U2AF2: variants seen among roughly 807,000 people sequenced by gnomAD.
U2AF2 encodes the protein U2 small nuclear RNA auxiliary factor 2.
A neutral mutation model predicts 52.6 loss-of-function variants in U2AF2; 6 were observed. The observed-to-expected ratio is 0.11, with a 90% confidence interval of 0.06 to 0.23. U2AF2 has a LOEUF of 0.23. Ranked by LOEUF, U2AF2 falls within the 10% of genes least tolerant of loss-of-function variation. The probability of loss-of-function intolerance (pLI) is 1.00; values close to 1 mark genes in which losing one functional copy is unlikely to be tolerated. For synonymous variants in U2AF2, 284 were observed against 258.2 expected, an observed-to-expected ratio of 1.10 and a Z score of -0.96; for missense variants, 222 against 677.1, an observed-to-expected ratio of 0.33 and a Z score of 7.46.
At chr19:55,656,928 A>G (rs1983831553) in intron 1 of U2AF2, among the ~76,000 whole-genome samples, 2 of 152,242 alleles carry the variant, frequency 1.3e-5, no homozygotes, top group African/African-American at 2.4e-5. Flanking sequence ...GTGCTTTCCA[A>G]ATGTCATTCT....
chr19:55,664,121 A>AGCT (rs575076976), intron 7 of U2AF2: 221 of 206,624 alleles, frequency 1.1e-3, no homozygotes, highest in African/African-American at 4.7e-3. Context: ...TTGGCAGCAA[A>AGCT]GCTGCTGCTG....
At chr19:55,673,181 A>G (rs953138709) in intron 11 of U2AF2, among the ~76,000 whole-genome samples, 2 of 152,208 alleles carry the variant, frequency 1.3e-5, no homozygotes, top group Non-Finnish European at 2.9e-5. Context: ...AGCCTCCCAA[A>G]GTACTGGGAT....
chr19:55,657,032 TC>T (rs1189887766), intron 1 of U2AF2, among the ~76,000 whole-genome samples: 1 of 152,224 alleles, frequency 6.6e-6, no homozygotes, highest in African/African-American at 2.4e-5. Context: ...TTTTTGTTGT[TC>T]ATAAGCAGAA....
chr19:55,664,499 T>G (rs1984418438), intron 7 of U2AF2, among the ~76,000 whole-genome samples: 1 of 152,168 alleles, frequency 6.6e-6, no homozygotes, highest in Admixed American at 6.5e-5. Flanking sequence ...GAATGGGATT[T>G]GAGGGAGGGC....
At chr19:55,670,037 T>G (rs1984792843) in intron 11 of U2AF2, among the ~76,000 whole-genome samples, 1 of 152,108 alleles carries the variant, frequency 6.6e-6, no homozygotes, top group South Asian at 2.1e-4. Flanking sequence ...TGGTTTTGCC[T>G]GGTCTGTGGA....
chr19:55,660,505 A>AC lies in U2AF2; in HGVS notation c.231-9dup. ...TTGCCCTGCCCCGCTCTCCCCTCCCACCTCCCCCAGTCGTTCCCCCCGCCA... is the reference window on the plus strand; with the variant it reads ...TTGCCCTGCCCCGCTCTCCCCTCCCACCCTCCCCCAGTCGTTCCCCCCGCCA... On this transcript the variant is annotated splice_polypyrimidine_tract_variant and intron_variant, in intron 3 of 11. Coordinates refer to ENST00000308924, the MANE Select transcript of U2AF2 (RefSeq NM_007279.3). The AC allele has an allele frequency of 9.8e-6, 4 of 409,118 alleles. No individual in the cohort carries two copies. The highest frequency in any genetic ancestry group is 2.8e-5 in the South Asian group (1 of 35,966). The allele number at this position is 409,118 out of a possible 1,614,324, so 25.3% of individuals were successfully genotyped here. A position where few individuals can be genotyped will look rare whatever the true frequency, so the allele number is the denominator to read the frequency against.
At position 55,668,918 on chromosome 19, in the gene U2AF2, G is replaced by GGGCTCGTCCCTGTCCCATGGTGTTGGCTT. The variant is rs1984709288; in HGVS notation, c.945+126_945+127insGGCTCGTCCCTGTCCCATGGTGTTGGCTT. The GGGCTCGTCCCTGTCCCATGGTGTTGGCTT allele has an allele frequency of 1.4e-5, 21 of 1,511,484 alleles. 1 individual carries two copies. The South Asian group carries it at 2.4e-4, about 17-fold the overall frequency. The allele number at this position is 1,511,484 out of a possible 1,614,324, so 93.6% of individuals were successfully genotyped here. On this transcript the variant is annotated intron_variant, in intron 9 of 11. Coordinates refer to ENST00000308924, the MANE Select transcript of U2AF2 (RefSeq NM_007279.3). This position sits in a 1 kb window ranked among gnomAD's most constrained non-coding sequence, Gnocchi z 5.5. ...GCCAACCTGAGGCAGTGCCCTGTGT[G>GGGCTCGTCCCTGTCCCATGGTGTTGGCTT]TGGGCTCGTCCCTGTCCCATGGCGT...
chr19:55,659,306 G>A lies in U2AF2; in HGVS notation c.146G>A (p.Arg49Gln), dbSNP rs754535298. The A allele has an allele frequency of 4.4e-6, 7 of 1,585,084 alleles. No homozygotes were observed. Among genetic ancestry groups the A allele is most frequent in the East Asian group, 4.6e-5 (2 of 43,412 alleles). Reference protein sequence around the residue: ...RRSRSRDRRNRDQRSASRDRR... With the variant: ...RRSRSRDRRNQDQRSASRDRR... ...AGCCGGAGCCGCGACCGGCGCAACCGGGACCAGCGGAGCGCCTCCCGGGAC... is the reference window on the plus strand; with the variant it reads ...AGCCGGAGCCGCGACCGGCGCAACCAGGACCAGCGGAGCGCCTCCCGGGAC... The change falls in exon 2 of 12, where the codon CGG becomes CAG. Residue 49 changes from arginine to glutamine, a missense_variant. By Grantham distance (43) the Arg-to-Gln change is conservative. Around this residue, in one of 4 missense-constraint regions of U2AF2, gnomAD observed 100 missense variants for 144.1 expected, o/e 0.69. Coordinates refer to ENST00000308924, the MANE Select transcript of U2AF2 (RefSeq NM_007279.3).
Position 55,662,479 on chromosome 19 carries a change from CTTGTCTCCTATT to C in U2AF2, c.487-22_487-11del. The C allele has an allele frequency of 8.2e-6, 12 of 1,457,164 alleles. No individual in the cohort carries two copies. Among genetic ancestry groups the C allele is most frequent in the Middle Eastern group, 1.8e-4 (1 of 5,418 alleles). The allele number at this position is 1,457,164 out of a possible 1,614,324, so 90.3% of individuals were successfully genotyped here. On this transcript the variant is annotated splice_polypyrimidine_tract_variant and intron_variant, in intron 5 of 11. Transcript: ENST00000308924. ...CCACCTCCCTTCCCCCGCCCCCCCC[CTTGTCTCCTATT>C]CCCTCTGCAGGAGGCCATGATGGAT... is the stretch of plus-strand genomic sequence containing the variant.
At position 55,661,199 on chromosome 19, in the gene U2AF2, TC is replaced by T; in HGVS notation, c.486+14del. On this transcript the variant is annotated intron_variant, in intron 5 of 11. Transcript: ENST00000308924. ...CTTTGGCATCACTGAGGTACTGCCC[TC>T]CCCTGCCCCCTACCCTCTCCCTTGT... is the stretch of plus-strand genomic sequence containing the variant. 1 of 1,581,232 alleles carries T rather than the reference TC, an allele frequency of 6.3e-7. No individual in the cohort carries two copies. Among genetic ancestry groups the T allele is most frequent in the African/African-American group, 1.4e-5 (1 of 74,000 alleles).
intron 1 of U2AF2, among the ~76,000 whole-genome samples, chr19:55,656,488 T>C (rs1251694575): frequency 6.6e-6 from 1 of 151,030 alleles, no homozygotes; most frequent in Admixed American, 6.6e-5. Flanking sequence ...TTTTAATACG[T>C]TTATATATTT....
intron 5 of U2AF2, among the ~76,000 whole-genome samples, chr19:55,661,499 GACACACACACACACACACACACAC>G (rs59262812): frequency 2.8e-5 from 4 of 145,098 alleles, no homozygotes; most frequent in Admixed American, 6.8e-5. Flanking sequence ...GGGAGACTTG[GACACACACACACACACACACACAC>G]ACACACACAC....
Position 55,660,499 on chromosome 19 carries a change from C to CCAA in U2AF2, c.231-16_231-15insAAC. ...CTGAGGTTGCCCTGCCCCGCTCTCC[C>CCAA]CTCCCACCTCCCCCAGTCGTTCCCC... On this transcript the variant is annotated splice_polypyrimidine_tract_variant and intron_variant, in intron 3 of 11. Transcript: ENST00000308924. 1.1e-6 allele frequency: 1 copy of CCAA among 933,774 alleles called. No homozygotes were observed. The highest frequency in any genetic ancestry group is 1.7e-6 in the Non-Finnish European group (1 of 585,064). The allele number at this position is 933,774 out of a possible 1,614,324, so 57.8% of individuals were successfully genotyped here.
intron 1 of U2AF2, 75 bp downstream of exon 1, chr19:55,655,228 C>T (rs1284219920): frequency 4.0e-5 from 60 of 1,501,042 alleles, no homozygotes; most frequent in East Asian, 2.5e-5. Context: ...GCCATTTTCT[C>T]CCTCGCTTCC....
intron 1 of U2AF2, among the ~76,000 whole-genome samples, chr19:55,656,450 G>A (rs1983801342): frequency 6.6e-6 from 1 of 152,228 alleles, no homozygotes; most frequent in Non-Finnish European, 1.5e-5. Flanking sequence ...AGGAAGTTTA[G>A]ATACCTGCTT....
At chr19:55,656,177 C>A (rs1035643188) in intron 1 of U2AF2, among the ~76,000 whole-genome samples, 2 of 152,236 alleles carry the variant, frequency 1.3e-5, no homozygotes, top group African/African-American at 4.8e-5. Flanking sequence ...CTTTAAAAAT[C>A]CTCCGTGTTT....
intron 1 of U2AF2, among the ~76,000 whole-genome samples, chr19:55,655,980 G>A (rs751627239): frequency 1.5e-4 from 23 of 152,158 alleles, no homozygotes; most frequent in Non-Finnish European, 2.9e-4. Context: ...TCAATATAGA[G>A]ATAAGAAAAC....
chr19:55,661,215 CT>C, intron 5 of U2AF2, 26 bp downstream of exon 5: 1 of 1,557,164 alleles, frequency 6.4e-7, no homozygotes, highest in Non-Finnish European at 8.7e-7. Context: ...GCCCCCTACC[CT>C]CTCCCTTGTC....
intron 7 of U2AF2, 193 bp downstream of exon 7, chr19:55,663,937 G>A: frequency 1.3e-6 from 1 of 757,178 alleles, no homozygotes; most frequent in Non-Finnish European, 2.0e-6. Flanking sequence ...CCTAGGGCCG[G>A]GAGAATGAGC....
Sources: gnomAD v4.1 joint callset for allele counts (sites outside exome capture counted in the v4.1 genomes callset) on GRCh38, gnomAD v4.1.1 for gene constraint, gnomAD v4.1.1 regional missense constraint, Gnocchi (gnomAD v3.1) non-coding constraint, MANE v1.5 for transcripts, NCBI Gene and HGNC (gene_info 2026-07-23, HGNC 2026-07-21) for gene names.